ARHGEF33: variants seen among roughly 807,000 people sequenced by gnomAD.
The protein encoded by ARHGEF33 is Rho guanine nucleotide exchange factor 33, also known as DH and coiled-coil domain-containing protein ENSP00000381780.
ARHGEF33 carries 72 observed loss-of-function variants against 101.9 expected under a neutral mutation model. The ratio of observed to expected loss-of-function variants is 0.71; its 90% CI spans 0.58 to 0.86. ARHGEF33 has a LOEUF of 0.86. Among genes scored for constraint, ARHGEF33 ranks in the 40% least tolerant of loss-of-function variants. The pLI is 0.00. For missense variants in ARHGEF33, 1,169 were observed against 1,111.3 expected, an observed-to-expected ratio of 1.05 and a Z score of -0.74; for synonymous variants, 499 against 442.5, an observed-to-expected ratio of 1.13 and a Z score of -1.60.
rs181325639 is a variant in ARHGEF33, at chr2:38,929,100, C to G, written c.240+29C>G. The G allele has an allele frequency of 1.2e-4, 190 of 1,528,442 alleles. 1 individual carries two copies. In the South Asian group the frequency reaches 2.0e-3, roughly 16 times the overall value. 94.7% of individuals were successfully genotyped at this position (1,528,442 alleles called of 1,614,324 possible). On this transcript the variant is annotated intron_variant, in intron 5 of 17. Coordinates refer to ENST00000409978, the MANE Select transcript of ARHGEF33 (RefSeq NM_001145451.5). ...GGCCTCTCTTTAATTTCCCTGCTGACAAGAGAATTTTGGTCTCAGTAACAG... is the reference window on the plus strand; with the variant it reads ...GGCCTCTCTTTAATTTCCCTGCTGAGAAGAGAATTTTGGTCTCAGTAACAG...
At chr2:38,938,528 G>A (rs1426671457) in intron 9 of ARHGEF33, among the ~76,000 whole-genome samples, 1 of 152,074 alleles carries the variant, frequency 6.6e-6, no homozygotes, top group Non-Finnish European at 1.5e-5. Context: ...AACAGAACAA[G>A]ACCCTAACTC....
intron 2 of ARHGEF33, among the ~76,000 whole-genome samples, chr2:38,900,464 G>T (rs1266070535): frequency 6.6e-6 from 1 of 152,218 alleles, no homozygotes; most frequent in African/African-American, 2.4e-5. Flanking sequence ...GGCATGAACT[G>T]TGATCATCTG....
intron 2 of ARHGEF33, among the ~76,000 whole-genome samples, chr2:38,911,866 C>G (rs898435929): frequency 1.3e-5 from 2 of 151,940 alleles, no homozygotes; most frequent in Admixed American, 6.6e-5. Context: ...GAGTGAGACC[C>G]TGTCTCAAAA....
intron 14 of ARHGEF33, among the ~76,000 whole-genome samples, chr2:38,957,567 G>T (rs2124419857): frequency 6.6e-6 from 1 of 152,256 alleles, no homozygotes. Flanking sequence ...AGCAAATAAG[G>T]GAGAGGAATT....
chr2:38,923,478 A>T (rs1209012837), intron 4 of ARHGEF33, among the ~76,000 whole-genome samples: 1 of 152,164 alleles, frequency 6.6e-6, no homozygotes, highest in African/African-American at 2.4e-5. Context: ...GATAGATCTT[A>T]TCCCATCTGA....
At chr2:38,973,444 C>T (rs1023720463) in intron 17 of ARHGEF33, among the ~76,000 whole-genome samples, 1 of 152,080 alleles carries the variant, frequency 6.6e-6, no homozygotes, top group Non-Finnish European at 1.5e-5. Flanking sequence ...AGCTTTTGTT[C>T]CCCTATTATG....
At chr2:38,936,612 T>G (rs1667137926) in intron 8 of ARHGEF33, among the ~76,000 whole-genome samples, 1 of 152,234 alleles carries the variant, frequency 6.6e-6, no homozygotes, top group Non-Finnish European at 1.5e-5. Flanking sequence ...CTGTGGACAC[T>G]TTTAATCCTT....
intron 10 of ARHGEF33, among the ~76,000 whole-genome samples, chr2:38,949,998 C>G (rs1196650198): frequency 2.0e-5 from 3 of 152,144 alleles, no homozygotes; most frequent in African/African-American, 7.2e-5. Flanking sequence ...ACGAGAAATT[C>G]ACCCTCATGA....
At chr2:38,929,146 T>A in intron 5 of ARHGEF33, 75 bp downstream of exon 5, 3 of 1,202,338 alleles carry the variant, frequency 2.5e-6, no homozygotes, top group Admixed American at 2.4e-5. Flanking sequence ...CTTGCCTTTT[T>A]CTGGCTGGGC....
At chr2:38,925,612 T>C (rs1426563848) in intron 4 of ARHGEF33, among the ~76,000 whole-genome samples, 1 of 152,246 alleles carries the variant, frequency 6.6e-6, no homozygotes, top group Non-Finnish European at 1.5e-5. Flanking sequence ...GCTCACTTTG[T>C]ATTTTAAATA....
At chr2:38,964,073 G>T (rs1165703762) in intron 16 of ARHGEF33, among the ~76,000 whole-genome samples, 1 of 152,114 alleles carries the variant, frequency 6.6e-6, no homozygotes, top group African/African-American at 2.4e-5. Flanking sequence ...CCATCTGGGG[G>T]TGATGGGTGA....
intron 9 of ARHGEF33, 40 bp downstream of exon 9, chr2:38,937,599 A>G: frequency 8.5e-7 from 1 of 1,183,328 alleles, no homozygotes. Context: ...AGTTTAAAGA[A>G]CAGGATGTAC....
intron 4 of ARHGEF33, among the ~76,000 whole-genome samples, chr2:38,922,568 A>G (rs1666782349): frequency 6.6e-6 from 1 of 152,190 alleles, no homozygotes; most frequent in Non-Finnish European, 1.5e-5. Flanking sequence ...ATAGGATGAA[A>G]GGGGGAAAGG....
chr2:38,926,776 A>G (rs1400267073), intron 4 of ARHGEF33, among the ~76,000 whole-genome samples: 5 of 152,122 alleles, frequency 3.3e-5, no homozygotes, highest in Non-Finnish European at 7.4e-5. Context: ...GAGCAAGGAT[A>G]ATGAAACCTA....
chr2:38,958,569 C>T (rs544388681), intron 15 of ARHGEF33, among the ~76,000 whole-genome samples: 89 of 152,304 alleles, frequency 5.8e-4, no homozygotes, highest in African/African-American at 1.9e-3. Context: ...AATAAAACCC[C>T]CAATCTTTCT....
intron 7 of ARHGEF33, among the ~76,000 whole-genome samples, chr2:38,934,432 A>G (rs1242412216): frequency 2.3e-5 from 1 of 42,618 alleles, no homozygotes; most frequent in Non-Finnish European, 4.7e-5. Context: ...CCCTCCCTCC[A>G]TCCCTCCCCC....
intron 2 of ARHGEF33, among the ~76,000 whole-genome samples, chr2:38,896,178 T>G (rs1666118768): frequency 6.6e-6 from 1 of 152,242 alleles, no homozygotes; most frequent in Non-Finnish European, 1.5e-5. Flanking sequence ...AGTCTTGCTC[T>G]GTCGCCCAGT....
At chr2:38,962,848 A>AC in intron 16 of ARHGEF33, among the ~76,000 whole-genome samples, 1 of 123,898 alleles carries the variant, frequency 8.1e-6, no homozygotes, top group Non-Finnish European at 1.6e-5. Context: ...CCCCGTCTCT[A>AC]CAAAAAAAAA....
chr2:38,967,740 CTAT>C (rs1668081683), intron 17 of ARHGEF33, among the ~76,000 whole-genome samples: 1 of 148,864 alleles, frequency 6.7e-6, no homozygotes, highest in African/African-American at 2.5e-5. Context: ...CACGCCCTGG[CTAT>C]TTTTTTTTTT....
Sources: allele counts gnomAD v4.1 joint callset (sites outside exome capture counted in the v4.1 genomes callset), GRCh38; gene constraint gnomAD v4.1.1; transcripts MANE v1.5; gene names NCBI Gene and HGNC (gene_info 2026-07-23, HGNC 2026-07-21).